The following ATXN1 variants were observed in gnomAD, a reference collection of about 807,000 sequenced individuals.
ATXN1 encodes the protein ataxin 1.
In ATXN1, 8 loss-of-function variants were observed where a neutral mutation model predicts 56.4. The ratio of observed to expected loss-of-function variants is 0.14; its 90% CI spans 0.08 to 0.26. The LOEUF is 0.26. Ranked by LOEUF, ATXN1 falls within the 10% of genes least tolerant of loss-of-function variation. ATXN1 has a pLI of 1.00. For missense variants in ATXN1, 987 were observed against 1,106.5 expected, an observed-to-expected ratio of 0.89 and a Z score of 1.53; for synonymous variants, 514 against 494.6, an observed-to-expected ratio of 1.04 and a Z score of -0.52.
intron 4 of ATXN1, among the ~76,000 whole-genome samples, chr6:16,575,994 A>G (rs1158342636): frequency 6.6e-6 from 1 of 152,140 alleles, no homozygotes; most frequent in East Asian, 1.9e-4. Context: ...AATTCCCCAC[A>G]TCAAACCTCA....
chr6:16,305,165 G>A lies in ATXN1; in HGVS notation c.*1164C>T, dbSNP rs1760211300. On this transcript the variant is annotated 3_prime_UTR_variant, in exon 8 of 8. Transcript: ENST00000436367. ...AAGTGAGATACAGTACTTGTTGAAT[G>A]AGAGACCAAGATGCTTGGTAATAAA... 1.3e-5 allele frequency: 2 copies of A among 152,434 alleles called. No homozygotes were observed. Among genetic ancestry groups the A allele is most frequent in the African/African-American group, 4.8e-5 (2 of 41,382 alleles). 9.4% of individuals were successfully genotyped at this position (152,434 alleles called of 1,614,324 possible).
intron 6 of ATXN1, among the ~76,000 whole-genome samples, chr6:16,484,289 C>T (rs1211368010): frequency 7.9e-5 from 12 of 152,036 alleles, no homozygotes; most frequent in Non-Finnish European, 1.8e-4. Flanking sequence ...AAAAAATTAG[C>T]CAGGCATGGT....
At chr6:16,638,281 C>CA (rs3216218) in intron 3 of ATXN1, among the ~76,000 whole-genome samples, 38,861 of 150,986 alleles carry the variant, frequency 0.26, 5,237 homozygotes, top group East Asian at 0.49. Flanking sequence ...CCCATCTCTA[C>CA]AAAAAAATAC....
intron 2 of ATXN1, among the ~76,000 whole-genome samples, chr6:16,686,040 T>C (rs964922450): frequency 6.6e-6 from 1 of 152,220 alleles, no homozygotes; most frequent in Non-Finnish European, 1.5e-5. Context: ...AAGTTCTGTT[T>C]TTTTTGAAAA....
At position 16,328,246 on chromosome 6, in the gene ATXN1, G is replaced by A; in HGVS notation, c.65C>T (p.Thr22Ile). ...GGCCTTCTCCTCGGAGGACCGGCTGGTGGCGGGGATCTCGCGCTTCTTGGG... is the reference window on the plus strand; with the variant it reads ...GGCCTTCTCCTCGGAGGACCGGCTGATGGCGGGGATCTCGCGCTTCTTGGG... ...LPPKKREIPA[T>I]SRSSEEKAPT... The change falls in exon 7 of 8, where the codon ACC becomes ATC. Residue 22 changes from threonine (T) to isoleucine (I), a missense_variant. Around this residue, in one of 3 missense-constraint regions of ATXN1, gnomAD observed 723 missense variants for 791.7 expected, o/e 0.91. Transcript: ENST00000436367. The surrounding 1 kb of genome is among the most constrained non-coding windows in gnomAD (Gnocchi z 6.2). 1 of 1,552,180 alleles carries A rather than the reference G, an allele frequency of 6.4e-7. No homozygotes were observed. Among genetic ancestry groups the A allele is most frequent in the Non-Finnish European group, 8.7e-7 (1 of 1,150,240 alleles).
At chr6:16,569,540 A>C (rs1016448190) in intron 4 of ATXN1, among the ~76,000 whole-genome samples, 6 of 150,052 alleles carry the variant, frequency 4.0e-5, no homozygotes, top group Non-Finnish European at 8.9e-5. Context: ...AAAAAAAAAA[A>C]AAAAAACAGT....
At chr6:16,738,573 T>C (rs1181499758) in intron 2 of ATXN1, 2 of 152,210 alleles carry the variant, frequency 1.3e-5, no homozygotes, top group Non-Finnish European at 2.9e-5. Context: ...GGCAAAAGAC[T>C]AGAATTTTAA....
chr6:16,631,650 A>G (rs1330753546), intron 3 of ATXN1, among the ~76,000 whole-genome samples: 1 of 152,164 alleles, frequency 6.6e-6, no homozygotes, highest in East Asian at 1.9e-4. Flanking sequence ...CCACACTTCT[A>G]TAGGACTCTC....
chr6:16,600,653 C>G (rs1453522059), intron 3 of ATXN1, among the ~76,000 whole-genome samples: 1 of 152,198 alleles, frequency 6.6e-6, no homozygotes, highest in Non-Finnish European at 1.5e-5. Context: ...AAATTGCTAT[C>G]TACAAGCTGC....
chr6:16,486,305 A>G (rs902507994), intron 5 of ATXN1, among the ~76,000 whole-genome samples, 196 bp from the exon 6 acceptor site: 2 of 152,142 alleles, frequency 1.3e-5, no homozygotes, highest in African/African-American at 4.8e-5. Context: ...GCCTCTCCTC[A>G]CCCCAAAGTT....
chr6:16,542,332 C>T (rs137957791), intron 4 of ATXN1, among the ~76,000 whole-genome samples: 53 of 152,246 alleles, frequency 3.5e-4, no homozygotes, highest in Non-Finnish European at 5.3e-4. Flanking sequence ...ATCTAAATTG[C>T]GCTCTTCAAA....
intron 5 of ATXN1, among the ~76,000 whole-genome samples, chr6:16,507,503 G>A: frequency 6.6e-6 from 1 of 152,146 alleles, no homozygotes; most frequent in Non-Finnish European, 1.5e-5. Flanking sequence ...TTCCTGTATA[G>A]AAGCTCTTTC....
rs556197182 is a variant in ATXN1 at position 16,365,149 on chromosome 6, C to T, written c.-160-36679G>A. On this transcript the variant is annotated intron_variant, in intron 6 of 7. Coordinates refer to ENST00000436367, the MANE Select transcript of ATXN1 (RefSeq NM_001128164.2). Reference sequence around the variant, plus strand: ...TATGTATACATGTGCCATAGCAGAGCAAGGAGTTCCAAAACAGAATTACCG... The same window carrying T: ...TATGTATACATGTGCCATAGCAGAGTAAGGAGTTCCAAAACAGAATTACCG... Among the ~76,000 whole-genome samples, 12 of 152,084 alleles carry T rather than the reference C, an allele frequency of 7.9e-5. No homozygotes were observed. The South Asian group carries it at 2.3e-3, about 29-fold the overall frequency.
intron 6 of ATXN1, among the ~76,000 whole-genome samples, chr6:16,415,886 C>T (rs1053612201): frequency 2.0e-5 from 3 of 152,118 alleles, no homozygotes; most frequent in East Asian, 1.9e-4. Flanking sequence ...CTCCCTCCTC[C>T]GCGCCTCTGC....
chr6:16,409,738 A>AT (rs1303580815), intron 6 of ATXN1, among the ~76,000 whole-genome samples: 1 of 151,850 alleles, frequency 6.6e-6, no homozygotes, highest in African/African-American at 2.4e-5. Flanking sequence ...TTGTAAGACA[A>AT]TTTTAAAAGC....
chr6:16,368,343 C>CTTTTTTTTTTTTTTT (rs10527935), intron 6 of ATXN1, among the ~76,000 whole-genome samples: 1 of 75,872 alleles, frequency 1.3e-5, no homozygotes, highest in Non-Finnish European at 2.8e-5. Context: ...ACTTCTTCTT[C>CTTTTTTTTTTTTTTT]TTTTTTTTTT....
At chr6:16,659,941 G>GAA (rs200399288) in intron 2 of ATXN1, among the ~76,000 whole-genome samples, 1 of 147,772 alleles carries the variant, frequency 6.8e-6, no homozygotes, top group Non-Finnish European at 1.5e-5. Flanking sequence ...TATTCATACA[G>GAA]AAAAAAAAAA....
At position 16,360,937 on chromosome 6, in the gene ATXN1, A is replaced by G. The variant is rs1324318254; in HGVS notation, c.-160-32467T>C. On this transcript the variant is annotated intron_variant, in intron 6 of 7. Transcript: ENST00000436367. ...CATTTGTAAGGAATAACACAAGGTA[A>G]GACGCCTGAAACTAGCAAGTGAGAA... 2.6e-5 allele frequency among the ~76,000 whole-genome samples: 4 copies of G among 152,238 alleles called. No homozygotes were observed. The East Asian group carries it at 7.7e-4, about 29-fold the overall frequency.
intron 6 of ATXN1, among the ~76,000 whole-genome samples, chr6:16,448,657 C>T (rs1043133714): frequency 6.6e-6 from 1 of 152,224 alleles, no homozygotes; most frequent in Admixed American, 6.5e-5. Context: ...AAGTGTCTTA[C>T]ATTGCCCAAC....
Sources: gnomAD v4.1 joint callset for allele counts (sites outside exome capture counted in the v4.1 genomes callset) on GRCh38, gnomAD v4.1.1 for gene constraint, gnomAD v4.1.1 regional missense constraint, Gnocchi (gnomAD v3.1) non-coding constraint, MANE v1.5 for transcripts, NCBI Gene and HGNC (gene_info 2026-07-23, HGNC 2026-07-21) for gene names.